Variants in RB1CC1 observed in about 807,000 individuals in gnomAD.
RB1CC1 encodes RB1 inducible coiled-coil 1.
RB1CC1 carries 46 observed loss-of-function variants against 177.5 expected under a neutral mutation model. The observed-to-expected ratio is 0.26, with a 90% confidence interval of 0.20 to 0.33. The LOEUF (loss-of-function observed/expected upper bound fraction) is 0.33, where lower values mean the gene tolerates loss of function less well. Ranked by LOEUF, RB1CC1 falls within the 10% of genes least tolerant of loss-of-function variation. The probability of loss-of-function intolerance (pLI) is 1.00; values close to 1 mark genes in which losing one functional copy is unlikely to be tolerated. For missense variants in RB1CC1, 1,703 were observed against 1,816.3 expected (o/e 0.94, Z 1.13); for synonymous variants, 666 against 613.6 (o/e 1.09, Z -1.26).
chr8:52,659,488 T>C (rs1344864694), intron 12 of RB1CC1, among the ~76,000 whole-genome samples: 2 of 152,168 alleles, frequency 1.3e-5, no homozygotes, highest in Non-Finnish European at 1.5e-5. Context: ...CGGTAAATCC[T>C]ACCAATTCAT....
chr8:52,675,888 GAAAAA>G (rs1268855883), intron 6 of RB1CC1, among the ~76,000 whole-genome samples: 1 of 72,178 alleles, frequency 1.4e-5, no homozygotes, highest in East Asian at 4.0e-4. Context: ...CTCCGTCTCA[GAAAAA>G]AAAAAAAAAA....
intron 1 of RB1CC1, among the ~76,000 whole-genome samples, chr8:52,695,091 A>C (rs1028695735): frequency 6.6e-6 from 1 of 152,248 alleles, no homozygotes; most frequent in East Asian, 1.9e-4. Flanking sequence ...AGGCCTCTTC[A>C]GTAATCAAAG....
intron 5 of RB1CC1, among the ~76,000 whole-genome samples, chr8:52,681,824 G>A (rs918231099): frequency 2.0e-5 from 3 of 152,270 alleles, no homozygotes; most frequent in East Asian, 1.9e-4. Context: ...GGGAACCACC[G>A]CCTAGATTTC....
In RB1CC1 at chr8:52,642,517, T is replaced by G; in HGVS notation, c.4171A>C (p.Lys1391Gln). 2 of 1,614,078 alleles carry G rather than the reference T, an allele frequency of 1.2e-6. No individual in the cohort carries two copies. Among genetic ancestry groups the G allele is most frequent in the Non-Finnish European group, 1.7e-6 (2 of 1,179,990 alleles). The change falls in exon 18 of 24, where the codon AAG becomes CAG. Residue 1391 changes from lysine to glutamine, a missense_variant. By Grantham distance (53) the Lys-to-Gln change is moderately conservative. Transcript: ENST00000025008. The part of the protein sequence containing the change: ...EKKKLEEEVS[K>Q]LRSSSFVPSP... Reference sequence around the variant, plus strand: ...GGAACAAAACTGCTACTACGCAACTTACTGACTTCTTCTTCAAGCTTTTTC... The same window carrying G: ...GGAACAAAACTGCTACTACGCAACTGACTGACTTCTTCTTCAAGCTTTTTC...
At chr8:52,630,318 C>G in intron 21 of RB1CC1, 152 bp downstream of exon 21, 1 of 865,208 alleles carries the variant, frequency 1.2e-6, no homozygotes, top group Non-Finnish European at 1.6e-6. Context: ...TAGAAAAATC[C>G]TGCTTTCCAG....
chr8:52,633,474 T>C lies in RB1CC1; in HGVS notation c.4440+1447A>G, dbSNP rs573032811. Among the ~76,000 whole-genome samples, 15 of 152,270 alleles carry C rather than the reference T, an allele frequency of 9.9e-5. No homozygotes were observed. In the East Asian group the frequency reaches 2.5e-3, roughly 25 times the overall value. The stretch of plus-strand genomic sequence containing the variant: ...TGAGATAGACCATTCTTCTAAGTCT[T>C]TGTGATAAAATTAATGATTCACAGT... On this transcript the variant is annotated intron_variant, in intron 20 of 23. Transcript: ENST00000025008.
intron 1 of RB1CC1, among the ~76,000 whole-genome samples, chr8:52,702,726 G>A (rs1856193095): frequency 6.6e-6 from 1 of 151,606 alleles, no homozygotes; most frequent in East Asian, 1.9e-4. Flanking sequence ...AAGAAAAGAA[G>A]AAGAAAAAAA....
intron 12 of RB1CC1, among the ~76,000 whole-genome samples, chr8:52,659,194 T>G (rs1197629254): frequency 3.9e-5 from 6 of 152,200 alleles, no homozygotes; most frequent in Admixed American, 3.9e-4. Context: ...GATCAAGGGA[T>G]GCACTTGTTC....
At chr8:52,629,631 G>C (rs1010120861) in intron 21 of RB1CC1, among the ~76,000 whole-genome samples, 5 of 152,130 alleles carry the variant, frequency 3.3e-5, no homozygotes, top group Admixed American at 1.3e-4. Flanking sequence ...CACTAACACA[G>C]AGGTTAAGCC....
At chr8:52,659,100 T>G in intron 12 of RB1CC1, 124 bp from the exon 13 acceptor site, 1 of 475,262 alleles carries the variant, frequency 2.1e-6, no homozygotes, top group Non-Finnish European at 3.7e-6. Context: ...TTTAAATGAT[T>G]AAGAAACAAA....
intron 5 of RB1CC1, among the ~76,000 whole-genome samples, chr8:52,679,946 T>C (rs1853546076): frequency 6.6e-6 from 1 of 151,622 alleles, no homozygotes; most frequent in Admixed American, 6.6e-5. Flanking sequence ...AAATAAGTCA[T>C]CTCCATCCCT....
At chr8:52,712,586 C>T (rs1187420122) in intron 1 of RB1CC1, among the ~76,000 whole-genome samples, 1 of 149,652 alleles carries the variant, frequency 6.7e-6, no homozygotes, top group African/African-American at 2.5e-5. Context: ...GGATTAGGTA[C>T]ATAAATAATC....
At chr8:52,635,587 A>C (rs931203693) in intron 19 of RB1CC1, among the ~76,000 whole-genome samples, 21 of 152,154 alleles carry the variant, frequency 1.4e-4, no homozygotes, top group Admixed American at 1.3e-3. Flanking sequence ...TCAATTCTTT[A>C]TTTAAAACAT....
In RB1CC1 at chr8:52,635,022, T is replaced by A. The variant is rs111326238; in HGVS notation, c.4393-54A>T. The A allele has an allele frequency of 6.3e-5, 93 of 1,477,178 alleles. 1 individual carries two copies. Among genetic ancestry groups the A allele is most frequent in the African/African-American group, 4.4e-4 (31 of 69,792 alleles). 91.5% of individuals were successfully genotyped at this position (1,477,178 alleles called of 1,614,324 possible). On this transcript the variant is annotated intron_variant, in intron 19 of 23. Coordinates refer to ENST00000025008, the MANE Select transcript of RB1CC1 (RefSeq NM_014781.5). ...TTATCCTTGTACCTACTCAAATAAA[T>A]CTAAACAGTGATTGTCAAAGTTTTC...
In RB1CC1 at chr8:52,629,198, A is replaced by G. The variant is rs374488849; in HGVS notation, c.4500-1030T>C. Among the ~76,000 whole-genome samples the G allele has an allele frequency of 3.1e-3, 468 of 152,356 alleles. 1 individual carries two copies. The highest frequency in any genetic ancestry group is 5.2e-3 in the Non-Finnish European group (357 of 68,022). On this transcript the variant is annotated intron_variant, in intron 21 of 23. Coordinates refer to ENST00000025008, the MANE Select transcript of RB1CC1 (RefSeq NM_014781.5). ...AAAGTCAGAATCACAGATATCTGAC[A>G]ACCAAAAATGTGGTCAACAAATTTA...
intron 16 of RB1CC1, among the ~76,000 whole-genome samples, chr8:52,643,461 G>C (rs1041597841): frequency 2.9e-4 from 44 of 152,204 alleles, no homozygotes; most frequent in African/African-American, 1.0e-3. Flanking sequence ...AGCACTTTGG[G>C]AGACTGAGGT....
At position 52,656,995 on chromosome 8, in the gene RB1CC1, T is replaced by A; in HGVS notation, c.2834A>T (p.Asn945Ile). The A allele has an allele frequency of 1.2e-6, 2 of 1,613,824 alleles. No individual in the cohort carries two copies. The highest frequency in any genetic ancestry group is 1.7e-6 in the Non-Finnish European group (2 of 1,179,970). ...CTGCTTCAGTTCTTTAATTTCACAA[T>A]TTTGAGAGTGCATTATATTTTCCAT... Reference protein sequence around the residue: ...LEMENIMHSQNCEIKELKQSR... With the variant: ...LEMENIMHSQICEIKELKQSR... The change falls in exon 15 of 24, where the codon AAT becomes ATT. Residue 945 changes from asparagine to isoleucine, a missense_variant. Physicochemically the swap from Asn to Ile is moderately radical, Grantham distance 149 (BLOSUM62 -3). Transcript: ENST00000025008.
chr8:52,675,503 A>T (rs1034215849), intron 6 of RB1CC1, among the ~76,000 whole-genome samples: 4 of 152,026 alleles, frequency 2.6e-5, no homozygotes, highest in Non-Finnish European at 4.4e-5. Flanking sequence ...CAGCCCTTTT[A>T]AAAAAAGAAT....
At chr8:52,689,414 C>T (rs750278499) in intron 1 of RB1CC1, among the ~76,000 whole-genome samples, 1 of 152,170 alleles carries the variant, frequency 6.6e-6, no homozygotes, top group Non-Finnish European at 1.5e-5. Flanking sequence ...TTTCCTCAAT[C>T]ACTAGTCCGT....
Sources: gnomAD v4.1 joint callset for allele counts (sites outside exome capture counted in the v4.1 genomes callset) on GRCh38, gnomAD v4.1.1 for gene constraint, MANE v1.5 for transcripts, NCBI Gene and HGNC (gene_info 2026-07-23, HGNC 2026-07-21) for gene names.